Variants in POP1 observed in about 807,000 individuals in gnomAD.
POP1 encodes POP1 ribonuclease P/MRP subunit, also known as ribonucleases P/MRP protein subunit POP1.
A neutral mutation model predicts 102.2 loss-of-function variants in POP1; 75 were observed. The observed-to-expected ratio is 0.73, with a 90% CI of 0.61 to 0.89. POP1 has a LOEUF of 0.89. Among genes scored for constraint, POP1 ranks in the 40% least tolerant of loss-of-function variants. The pLI is 0.00. For missense variants in POP1, 1,116 were observed against 1,267.4 expected, an observed-to-expected ratio of 0.88 and a Z score of 1.81; for synonymous variants, 436 against 464.1, an observed-to-expected ratio of 0.94 and a Z score of 0.78.
chr8:98,157,868 A>G lies in POP1; in HGVS notation c.2672A>G (p.His891Arg). 2 of 1,614,178 alleles carry G rather than the reference A, an allele frequency of 1.2e-6. No homozygotes were observed. The highest frequency in any genetic ancestry group is 2.2e-5 in the East Asian group (1 of 44,884). ...EDFLQLHEDWHYCGPQESKHS... is the reference protein window; with the variant it reads ...EDFLQLHEDWRYCGPQESKHS... ...TTCCTCCAGCTCCATGAGGACTGGC[A>G]TTACTGTGGGCCCCAGGAATCCAAA... The change falls in exon 16 of 16, where the codon CAT becomes CGT. Residue 891 changes from histidine (H) to arginine (R), a missense_variant. Transcript: ENST00000401707.
At chr8:98,134,086 C>A in intron 6 of POP1, 50 bp downstream of exon 6, 1 of 1,373,654 alleles carries the variant, frequency 7.3e-7, no homozygotes, top group South Asian at 1.2e-5. Context: ...TATATTTATT[C>A]ATTTCATAAA....
At chr8:98,144,756 T>C (rs1368330622) in intron 11 of POP1, among the ~76,000 whole-genome samples, 2 of 152,184 alleles carry the variant, frequency 1.3e-5, no homozygotes, top group African/African-American at 2.4e-5. Flanking sequence ...CTGTTGGAAG[T>C]GGAGCTTGAC....
At chr8:98,146,010 T>C (rs1165611908) in intron 11 of POP1, among the ~76,000 whole-genome samples, 3 of 152,148 alleles carry the variant, frequency 2.0e-5, no homozygotes, top group Non-Finnish European at 4.4e-5. Context: ...GAGAAGATGA[T>C]GATATCTGTT....
intron 1 of POP1, 60 bp downstream of exon 1, chr8:98,117,450 G>A: frequency 3.6e-6 from 1 of 280,510 alleles, no homozygotes; most frequent in East Asian, 9.7e-5. Context: ...TGTATGCGGC[G>A]GCCCCCCTCC....
chr8:98,153,436 C>A (rs998787815), intron 14 of POP1, among the ~76,000 whole-genome samples: 1 of 150,330 alleles, frequency 6.7e-6, no homozygotes, highest in African/African-American at 2.5e-5. Flanking sequence ...GAGTTCAGTT[C>A]TTCTGAATAT....
At chr8:98,139,151 A>G (rs1227328896) in intron 9 of POP1, among the ~76,000 whole-genome samples, 4 of 152,104 alleles carry the variant, frequency 2.6e-5, no homozygotes, top group African/African-American at 9.7e-5. Context: ...GCACCCGGCC[A>G]TGATTGCTTC....
intron 1 of POP1, among the ~76,000 whole-genome samples, chr8:98,122,312 G>A (rs1816054455): frequency 6.6e-6 from 1 of 152,192 alleles, no homozygotes; most frequent in South Asian, 2.1e-4. Flanking sequence ...CAACACACCT[G>A]TGCTGCTTTG....
intron 13 of POP1, among the ~76,000 whole-genome samples, chr8:98,149,212 A>AT (rs1809452902): frequency 6.6e-6 from 1 of 152,210 alleles, no homozygotes; most frequent in Non-Finnish European, 1.5e-5. Context: ...CTGTGCTGAC[A>AT]TATCGTCAAT....
chr8:98,140,672 A>G, intron 10 of POP1, 97 bp from the exon 11 acceptor site: 1 of 1,316,060 alleles, frequency 7.6e-7, no homozygotes, highest in Non-Finnish European at 1.1e-6. Flanking sequence ...GTCCAAGAAA[A>G]ACGTTTCATT....
Position 98,140,714 on chromosome 8 carries a change from A to C in POP1, c.1475-55A>C. On this transcript the variant is annotated intron_variant, in intron 10 of 15. Transcript: ENST00000401707. ...TCTGAAAGATTTAAAAATACAAGCA[A>C]ATACAGATGTATTATGAATGACTTT... The C allele has an allele frequency of 1.9e-6, 3 of 1,567,562 alleles. No individual in the cohort carries two copies. In the African/African-American group the frequency reaches 4.1e-5, roughly 21 times the overall value.
intron 11 of POP1, among the ~76,000 whole-genome samples, chr8:98,144,284 A>G (rs1388163896): frequency 2.0e-5 from 3 of 151,794 alleles, no homozygotes; most frequent in Non-Finnish European, 4.4e-5. Flanking sequence ...ATATTATTTT[A>G]TTTATTTTTG....
At position 98,150,566 on chromosome 8, in the gene POP1, G is replaced by A. The variant is rs774099341; in HGVS notation, c.1984G>A (p.Asp662Asn). Residue 662 changes from aspartate to asparagine, a missense_variant, in exon 14 of 16, where the codon GAT (aspartate) becomes AAT (asparagine). By Grantham distance (23) the Asp-to-Asn change is conservative. Coordinates refer to ENST00000401707, the MANE Select transcript of POP1 (RefSeq NM_001145860.2). The stretch of plus-strand genomic sequence containing the variant: ...TAAGAGGTCGCCTAATGTCCCAGGC[G>A]ATTTTCCAGACTGCCCTGCCGGGAT... ...QYKRSPNVPG[D>N]FPDCPAGMLF... 6.8e-6 allele frequency: 11 copies of A among 1,614,162 alleles called. No individual in the cohort carries two copies. Among genetic ancestry groups the A allele is most frequent in the South Asian group, 3.3e-5 (3 of 91,084 alleles).
chr8:98,118,890 G>A (rs1178783903), intron 1 of POP1, among the ~76,000 whole-genome samples: 1 of 152,004 alleles, frequency 6.6e-6, no homozygotes, highest in Non-Finnish European at 1.5e-5. Flanking sequence ...GAGTCAGACT[G>A]CCTGGTTTGA....
chr8:98,120,791 C>A (rs1379509639), intron 1 of POP1, among the ~76,000 whole-genome samples: 2 of 152,122 alleles, frequency 1.3e-5, no homozygotes, highest in African/African-American at 4.8e-5. Context: ...GGACTACAGG[C>A]GCCCGCCAAC....
intron 2 of POP1, among the ~76,000 whole-genome samples, chr8:98,125,940 G>A (rs958263702): frequency 2.6e-5 from 4 of 152,028 alleles, no homozygotes; most frequent in Non-Finnish European, 4.4e-5. Context: ...TGACCTCCTG[G>A]GCTCAGGTGA....
chr8:98,138,074 C>G (rs1026197591), intron 9 of POP1, among the ~76,000 whole-genome samples: 8 of 152,156 alleles, frequency 5.3e-5, no homozygotes, highest in African/African-American at 1.7e-4. Context: ...TTGTCTCTTG[C>G]CTGAACAATT....
At chr8:98,153,649 T>C (rs1439744027) in intron 14 of POP1, among the ~76,000 whole-genome samples, 1 of 151,066 alleles carries the variant, frequency 6.6e-6, no homozygotes, top group African/African-American at 2.4e-5. Context: ...GCGATTCTTT[T>C]GCCTCAGCCT....
At chr8:98,145,251 C>T (rs768508052) in intron 11 of POP1, among the ~76,000 whole-genome samples, 37 of 152,146 alleles carry the variant, frequency 2.4e-4, no homozygotes, top group Admixed American at 1.5e-3. Context: ...TTTCTAACTT[C>T]GTTCTGCCCT....
chr8:98,145,960 A>G (rs1029515316), intron 11 of POP1, among the ~76,000 whole-genome samples: 1 of 152,220 alleles, frequency 6.6e-6, no homozygotes, highest in Admixed American at 6.5e-5. Context: ...AAATAGTTCA[A>G]TATAAATAGG....
Sources: allele counts gnomAD v4.1 joint callset (sites outside exome capture counted in the v4.1 genomes callset), GRCh38; gene constraint gnomAD v4.1.1; transcripts MANE v1.5; gene names NCBI Gene and HGNC (gene_info 2026-07-23, HGNC 2026-07-21).